Variants in CHRNB4 observed in about 807,000 individuals in gnomAD.
CHRNB4 encodes the protein cholinergic receptor nicotinic beta 4 subunit, also known as neuronal acetylcholine receptor subunit beta-4.
CHRNB4 carries 23 observed loss-of-function variants against 40.4 expected under a neutral mutation model. That is an observed-to-expected ratio of 0.57 (90% confidence interval 0.41 to 0.81). The LOEUF (loss-of-function observed/expected upper bound fraction) is 0.81, where lower values mean the gene tolerates loss of function less well. Among genes scored for constraint, CHRNB4 ranks in the 30% least tolerant of loss-of-function variants. CHRNB4 has a pLI of 0.00. For synonymous variants in CHRNB4, 285 were observed against 274.4 expected (o/e 1.04, Z -0.38); for missense variants, 568 against 670.6 (o/e 0.85, Z 1.69).
intron 2 of CHRNB4, among the ~76,000 whole-genome samples, chr15:78,633,522 T>C (rs1045287361): frequency 2.6e-5 from 4 of 152,232 alleles, no homozygotes; most frequent in South Asian, 4.1e-4. Context: ...GAAGAATGCA[T>C]GGCAATTTGT....
intron 6 of CHRNB4, among the ~76,000 whole-genome samples, chr15:78,652,213 C>G (rs906855750): frequency 2.6e-5 from 4 of 152,246 alleles, no homozygotes; most frequent in African/African-American, 9.6e-5. Context: ...CATAGTCTCC[C>G]AGGCCCTGCT....
At position 78,629,048 on chromosome 15, in the gene CHRNB4, C is replaced by A; in HGVS notation, c.1257G>T (p.Arg419Ser). 1.2e-6 allele frequency: 2 copies of A among 1,614,162 alleles called. No individual in the cohort carries two copies. Among genetic ancestry groups the A allele is most frequent in the Non-Finnish European group, 1.7e-6 (2 of 1,180,050 alleles). ...PRDFWLRSSG[R>S]FRQDVQEALE... ...ATGCCTCCTGCACATCCTGTCGGAA[C>A]CTCCCAGAGGACCGCAGCCAGAAAT... Residue 419 changes from arginine (R) to serine (S), a missense_variant, in exon 5 of 6, where the codon AGG becomes AGT. By Grantham distance (110) the Arg-to-Ser change is moderately radical. This residue lies in a region of CHRNB4 where 242 missense variants were observed against 274.9 expected (regional missense o/e 0.88). Transcript: ENST00000261751. The surrounding 1 kb of genome is among the most constrained non-coding windows in gnomAD (Gnocchi z 6.8).
rs558456754 is a variant in CHRNB4 at position 78,624,696 on chromosome 15, GA to G, written c.*436del. On this transcript the variant is annotated 3_prime_UTR_variant, in exon 6 of 6. Coordinates refer to ENST00000261751, the MANE Select transcript of CHRNB4 (RefSeq NM_000750.5). Reference sequence around the variant, plus strand: ...CGATATAGCAAGACTCCGTTTAAAAGAAAAAAAAAAAGATGATGATATGGCA... The same window carrying G: ...CGATATAGCAAGACTCCGTTTAAAAGAAAAAAAAAAGATGATGATATGGCA... The G allele has an allele frequency of 0.032, 9,234 of 292,912 alleles. No homozygotes were observed. The highest frequency in any genetic ancestry group is 0.047 in the Middle Eastern group (50 of 1,060). The allele number at this position is 292,912 out of a possible 1,614,324, so 18.1% of individuals were successfully genotyped here. A position where few individuals can be genotyped will look rare whatever the true frequency, so the allele number is the denominator to read the frequency against.
At chr15:78,651,183 A>T (rs558010090) in intron 6 of CHRNB4, among the ~76,000 whole-genome samples, 1 of 152,260 alleles carries the variant, frequency 6.6e-6, no homozygotes, top group Admixed American at 6.5e-5. Flanking sequence ...GTGATCTATA[A>T]AGCAGCCAGT....
chr15:78,639,450 T>C (rs1168848502), intron 1 of CHRNB4, among the ~76,000 whole-genome samples: 3 of 152,150 alleles, frequency 2.0e-5, no homozygotes, highest in East Asian at 3.9e-4. Context: ...AGGCGCCTGC[T>C]ACCACGCCCG....
At chr15:78,649,800 G>A (rs897668342) in intron 6 of CHRNB4, among the ~76,000 whole-genome samples, 9 of 151,922 alleles carry the variant, frequency 5.9e-5, no homozygotes, top group Non-Finnish European at 1.2e-4. Context: ...TACCTCTGGG[G>A]ATGGGAAGAA....
At chr15:78,640,355 T>C (rs1310809253) in intron 1 of CHRNB4, among the ~76,000 whole-genome samples, 1 of 152,242 alleles carries the variant, frequency 6.6e-6, no homozygotes, top group Admixed American at 6.5e-5. Flanking sequence ...GGAGAAGGGC[T>C]GGGTCTCCTT....
At chr15:78,643,637 T>C (rs961698309), upstream of CHRNB4, among the ~76,000 whole-genome samples, 9 of 151,940 alleles carry the variant, frequency 5.9e-5, no homozygotes, top group East Asian at 1.9e-4. Context: ...CAACCTATAA[T>C]AGAAATGAAG....
At chr15:78,635,005 C>G (rs1009082202) in intron 2 of CHRNB4, among the ~76,000 whole-genome samples, 1 of 152,154 alleles carries the variant, frequency 6.6e-6, no homozygotes, top group Non-Finnish European at 1.5e-5. Flanking sequence ...TCTGGTCCTG[C>G]CCCTACACCT....
chr15:78,650,015 T>TA (rs2054158586), intron 6 of CHRNB4, among the ~76,000 whole-genome samples: 1 of 151,328 alleles, frequency 6.6e-6, no homozygotes, highest in African/African-American at 2.4e-5. Flanking sequence ...TTGTTTTTTT[T>TA]AAAGGAGTGC....
At chr15:78,650,904 A>G (rs1199898046) in intron 6 of CHRNB4, among the ~76,000 whole-genome samples, 1 of 152,176 alleles carries the variant, frequency 6.6e-6, no homozygotes, top group East Asian at 1.9e-4. Flanking sequence ...AAATGAAGTC[A>G]TAGGTTTGTT....
At chr15:78,656,615 T>C (rs2054216033) in exon 4 of CHRNB4, 1 of 152,218 alleles carries the variant, frequency 6.6e-6, no homozygotes. Flanking sequence ...AACAGGGATG[T>C]TGGGAGCACC....
At chr15:78,650,914 T>C (rs2054166781) in intron 6 of CHRNB4, among the ~76,000 whole-genome samples, 1 of 152,132 alleles carries the variant, frequency 6.6e-6, no homozygotes, top group Non-Finnish European at 1.5e-5. Context: ...ATAGGTTTGT[T>C]TCGTGCAAGT....
Position 78,652,800 on chromosome 15 carries a change from G to A in CHRNB4, c.-109-129C>T, listed in dbSNP as rs2054184124. On this transcript the variant is annotated intron_variant and NMD_transcript_variant, in intron 5 of 11. Transcript: ENST00000559849. The stretch of plus-strand genomic sequence containing the variant: ...CCTCATCTATAACGGCTGTCCTGAT[G>A]CTTCAACAAGGTAATGTGGGTAGAG... The A allele has an allele frequency of 2.0e-5, 3 of 152,330 alleles. No homozygotes were observed. In the South Asian group the frequency reaches 6.2e-4, roughly 32 times the overall value. The allele number at this position is 152,330 out of a possible 1,614,324, so 9.4% of individuals were successfully genotyped here.
chr15:78,647,650 T>G (rs373084243), intron 7 of CHRNB4, among the ~76,000 whole-genome samples: 18 of 137,566 alleles, frequency 1.3e-4, no homozygotes, highest in East Asian at 1.1e-3. Context: ...ATCGAGACCA[T>G]CCTGGCTAAC....
rs78028070 is a variant in CHRNB4 at position 78,633,912 on chromosome 15, T to C, written c.204+1527A>G. On this transcript the variant is annotated intron_variant, in intron 2 of 5. Coordinates refer to ENST00000261751, the MANE Select transcript of CHRNB4 (RefSeq NM_000750.5). The stretch of plus-strand genomic sequence containing the variant: ...GGGAGCAGGTGGAAGGGTCAGGGAA[T>C]AAGGGGGGCTGGAGAGGTGGGGGTG... Among the ~76,000 whole-genome samples the C allele has an allele frequency of 0.014, 1,316 of 93,012 alleles. 148 individuals carry two copies. In the East Asian group the frequency reaches 0.32, roughly 22 times the overall value. 61.0% of individuals were successfully genotyped at this position (93,012 alleles called of 152,430 possible).
chr15:78,634,965 C>A (rs1482371345), intron 2 of CHRNB4, among the ~76,000 whole-genome samples: 8 of 152,206 alleles, frequency 5.3e-5, no homozygotes, highest in Admixed American at 5.2e-4. Context: ...CCATCCCTCA[C>A]CAGCCTGGCT....
intron 1 of CHRNB4, 122 bp downstream of exon 1, chr15:78,640,957 G>T: frequency 8.7e-7 from 1 of 1,152,184 alleles, no homozygotes; most frequent in Non-Finnish European, 1.2e-6. Flanking sequence ...CCATCTGGCC[G>T]GGACAATCTC....
intron 2 of CHRNB4, 138 bp from the exon 3 acceptor site, chr15:78,631,470 G>T: frequency 2.7e-6 from 2 of 738,350 alleles, no homozygotes; most frequent in Non-Finnish European, 4.6e-6. Flanking sequence ...ATGGCCCAAA[G>T]GCATGTCACA....
Sources: allele counts gnomAD v4.1 joint callset (sites outside exome capture counted in the v4.1 genomes callset), GRCh38; gene constraint gnomAD v4.1.1; regional missense constraint gnomAD v4.1.1; non-coding constraint Gnocchi (gnomAD v3.1); transcripts MANE v1.5; gene names NCBI Gene and HGNC (gene_info 2026-07-23, HGNC 2026-07-21).